The following NTRK3 variants were observed in gnomAD, a reference collection of about 807,000 sequenced individuals.
The protein encoded by NTRK3 is neurotrophic receptor tyrosine kinase 3.
In NTRK3, 24 loss-of-function variants were observed where a neutral mutation model predicts 91.7. The ratio of observed to expected loss-of-function variants is 0.26; its 90% CI spans 0.19 to 0.37. The LOEUF (loss-of-function observed/expected upper bound fraction) is 0.37, where lower values mean the gene tolerates loss of function less well. Ranked by LOEUF, NTRK3 falls within the 10% of genes least tolerant of loss-of-function variation. NTRK3 has a pLI of 1.00. For synonymous variants in NTRK3, 483 were observed against 404.0 expected (o/e 1.20, Z -2.34); for missense variants, 880 against 1,068.9 (o/e 0.82, Z 2.46).
exon 19 of NTRK3, chr15:87,865,587 C>G (rs2064647140): frequency 4.6e-6 from 1 of 216,436 alleles, no homozygotes; most frequent in Non-Finnish European, 9.3e-6. Context: ...AATCATTATC[C>G]CTTCAGATGC....
intron 13 of NTRK3, among the ~76,000 whole-genome samples, chr15:88,121,780 C>A (rs1162320141): frequency 6.6e-6 from 1 of 152,182 alleles, no homozygotes; most frequent in East Asian, 1.9e-4. Context: ...CCAGGACATG[C>A]CAAATACTTC....
intron 10 of NTRK3, among the ~76,000 whole-genome samples, chr15:88,129,751 A>C (rs2053626774): frequency 6.6e-6 from 1 of 152,220 alleles, no homozygotes; most frequent in African/African-American, 2.4e-5. Flanking sequence ...CTCAATAGCC[A>C]AATGTAGGAT....
At chr15:87,897,266 C>A (rs1373492677) in intron 17 of NTRK3, among the ~76,000 whole-genome samples, 2 of 152,166 alleles carry the variant, frequency 1.3e-5, no homozygotes, top group African/African-American at 4.8e-5. Flanking sequence ...GGAACACATG[C>A]CTTTTATAAC....
At chr15:88,079,946 A>G (rs1246521756) in intron 13 of NTRK3, among the ~76,000 whole-genome samples, 1 of 152,226 alleles carries the variant, frequency 6.6e-6, no homozygotes, top group African/African-American at 2.4e-5. Flanking sequence ...TTTGTTGTCA[A>G]TATAAAATTA....
chr15:88,255,247 G>C lies in NTRK3; in HGVS notation c.248+659C>G, dbSNP rs1374318131. On this transcript the variant is annotated intron_variant, in intron 3 of 18. Coordinates refer to ENST00000394480, the Ensembl canonical transcript of NTRK3. This position sits in a 1 kb window ranked among gnomAD's most constrained non-coding sequence, Gnocchi z 4.3. ...AGATGCAGATGAGGGTGGCAAAGGG[G>C]TGTCTCGGAAATGCCCAAAATGGGG... Among the ~76,000 whole-genome samples the C allele has an allele frequency of 6.6e-6, 1 of 152,188 alleles. No homozygotes were observed.
chr15:88,200,648 T>C (rs951554768), intron 3 of NTRK3, among the ~76,000 whole-genome samples: 2 of 152,312 alleles, frequency 1.3e-5, no homozygotes, highest in South Asian at 4.1e-4. Flanking sequence ...ATGTTTTTGC[T>C]TCCCCTTCTG....
intron 6 of NTRK3, among the ~76,000 whole-genome samples, chr15:88,142,940 C>T (rs1052243385): frequency 5.3e-5 from 8 of 152,048 alleles, no homozygotes; most frequent in Admixed American, 3.3e-4. Context: ...AAATACTAGG[C>T]GCAGTGGCTC....
At chr15:87,881,874 A>G (rs548928173) in intron 17 of NTRK3, among the ~76,000 whole-genome samples, 7 of 152,094 alleles carry the variant, frequency 4.6e-5, no homozygotes, top group African/African-American at 1.7e-4. Flanking sequence ...TTATAATACA[A>G]GTTTGCAGAG....
intron 10 of NTRK3, among the ~76,000 whole-genome samples, chr15:88,131,211 C>T (rs1218070856): frequency 1.3e-5 from 2 of 152,150 alleles, no homozygotes; most frequent in East Asian, 1.9e-4. Flanking sequence ...TACTACACAG[C>T]CTCCTGCCTC....
chr15:88,039,168 C>T (rs2079364963), intron 13 of NTRK3, among the ~76,000 whole-genome samples: 1 of 151,518 alleles, frequency 6.6e-6, no homozygotes, highest in South Asian at 2.1e-4. Context: ...CACACACGCA[C>T]AGAAACACAC....
intron 13 of NTRK3, among the ~76,000 whole-genome samples, 165 bp from the exon 14 acceptor site, chr15:88,033,210 A>ATATATATATATATATATATATATG (rs1301860999): frequency 5.8e-5 from 7 of 121,304 alleles, no homozygotes; most frequent in African/African-American, 2.4e-4. Flanking sequence ...ATATATATAT[A>ATATATATATATATATATATATATG]TATATAAATT....
At chr15:87,883,270 ATAAT>A (rs1208456652) in intron 17 of NTRK3, among the ~76,000 whole-genome samples, 1 of 149,372 alleles carries the variant, frequency 6.7e-6, no homozygotes, top group African/African-American at 2.4e-5. Context: ...AATTTATATC[ATAAT>A]TAATATTATA....
chr15:88,134,326 G>C (rs1260562932), intron 10 of NTRK3, among the ~76,000 whole-genome samples: 2 of 152,190 alleles, frequency 1.3e-5, no homozygotes, highest in African/African-American at 4.8e-5. Flanking sequence ...ACTTCAGGGA[G>C]ATATTTAAAG....
intron 13 of NTRK3, among the ~76,000 whole-genome samples, chr15:88,104,092 G>C (rs1459446976): frequency 6.6e-6 from 1 of 152,204 alleles, no homozygotes; most frequent in Non-Finnish European, 1.5e-5. Flanking sequence ...CAAAAGCAGA[G>C]CTGATCCTGG....
intron 3 of NTRK3, among the ~76,000 whole-genome samples, chr15:88,200,463 C>A (rs552614140): frequency 6.6e-6 from 1 of 152,300 alleles, no homozygotes; most frequent in Non-Finnish European, 1.5e-5. Flanking sequence ...GTTGTAGTTC[C>A]CATAATCCCC....
chr15:87,956,991 G>A (rs1475382141), intron 14 of NTRK3, among the ~76,000 whole-genome samples: 1 of 152,148 alleles, frequency 6.6e-6, no homozygotes, highest in Admixed American at 6.5e-5. Flanking sequence ...ACTGGGGGCG[G>A]AGCAGTGGGT....
At chr15:87,886,719 C>T (rs371917307) in intron 17 of NTRK3, among the ~76,000 whole-genome samples, 13 of 103,996 alleles carry the variant, frequency 1.3e-4, no homozygotes, top group African/African-American at 1.5e-4. Context: ...CACACACACA[C>T]ATACACACAC....
intron 13 of NTRK3, among the ~76,000 whole-genome samples, chr15:88,063,501 T>A (rs2046390096): frequency 6.6e-6 from 1 of 152,314 alleles, no homozygotes. Flanking sequence ...CCACTGGGTG[T>A]CTCTCTGCTG....
chr15:88,159,018 C>A (rs1312131797), intron 5 of NTRK3, among the ~76,000 whole-genome samples: 4 of 152,172 alleles, frequency 2.6e-5, no homozygotes, highest in African/African-American at 9.7e-5. Context: ...CAGGCCAAGC[C>A]CCCGGGCTGA....
Sources: gnomAD v4.1 joint callset for allele counts (sites outside exome capture counted in the v4.1 genomes callset) on GRCh38, gnomAD v4.1.1 for gene constraint, Gnocchi (gnomAD v3.1) non-coding constraint, MANE v1.5 for transcripts, NCBI Gene and HGNC (gene_info 2026-07-23, HGNC 2026-07-21) for gene names.